PCDHGA3: variants seen among roughly 807,000 people sequenced by gnomAD.
PCDHGA3 encodes protocadherin gamma subfamily A, 3, also known as protocadherin gamma-A3.
Under a neutral mutation model 58.5 loss-of-function variants are expected in PCDHGA3, and 40 were observed. The observed-to-expected ratio is 0.68, with a 90% CI of 0.53 to 0.89. The LOEUF is 0.89. Among genes scored for constraint, PCDHGA3 ranks in the 40% least tolerant of loss-of-function variants. The pLI, the probability that PCDHGA3 is intolerant of heterozygous loss-of-function variation, is 0.00. For missense variants in PCDHGA3, 1,223 were observed against 1,195.9 expected (o/e 1.02, Z -0.33); for synonymous variants, 530 against 525.7 (o/e 1.01, Z -0.11).
chr5:141,370,204 A>G, intron 1 of PCDHGA3: 1 of 545,938 alleles, frequency 1.8e-6, no homozygotes, highest in Non-Finnish European at 3.1e-6. Flanking sequence ...TGTGCAAAAT[A>G]TTGGCTCCTC....
At chr5:141,427,355 C>T (rs765449381) in intron 1 of PCDHGA3, 2 of 457,430 alleles carry the variant, frequency 4.4e-6, no homozygotes, top group African/African-American at 2.0e-5. Flanking sequence ...TAACTGAGGA[C>T]GCAGAACCCT....
intron 1 of PCDHGA3, chr5:141,383,853 G>C (rs942698942): frequency 1.2e-6 from 2 of 1,613,948 alleles, no homozygotes; most frequent in Middle Eastern, 3.3e-4. Flanking sequence ...ATGAAATGGA[G>C]GTTCAGGCTC....
At chr5:141,374,443 A>C (rs886695991) in intron 1 of PCDHGA3, 1 of 1,613,842 alleles carries the variant, frequency 6.2e-7, no homozygotes. Context: ...ATCCCGTGGA[A>C]GTGGAAATAG....
At chr5:141,481,913 C>CAAAAAA (rs34114744) in intron 1 of PCDHGA3, among the ~76,000 whole-genome samples, 2 of 90,846 alleles carry the variant, frequency 2.2e-5, no homozygotes, top group Non-Finnish European at 4.4e-5. Flanking sequence ...AACTCCATCT[C>CAAAAAA]AAAAAAAAAA....
Position 141,487,356 on chromosome 5 carries a change from C to A in PCDHGA3, c.2425-7451C>A. On this transcript the variant is annotated intron_variant, in intron 1 of 3. Coordinates refer to ENST00000253812, the MANE Select transcript of PCDHGA3 (RefSeq NM_018916.4). The surrounding 1 kb of genome is among the most constrained non-coding windows in gnomAD (Gnocchi z 5.0). ...GCCTGTGGAGTCACATGCTTTCCTG[C>A]TGGCACCTGTGCCTGTCTCACCAGA... 1 of 1,614,220 alleles carries A rather than the reference C, an allele frequency of 6.2e-7. No individual in the cohort carries two copies. The highest frequency in any genetic ancestry group is 8.5e-7 in the Non-Finnish European group (1 of 1,180,042).
At position 141,345,812 on chromosome 5, in the gene PCDHGA3, G is replaced by A; in HGVS notation, c.1779G>A (p.Ala593=). 6.2e-7 allele frequency: 1 copy of A among 1,613,864 alleles called. No homozygotes were observed. The highest frequency in any genetic ancestry group is 8.5e-7 in the Non-Finnish European group (1 of 1,180,024). The change falls in exon 1 of 4, where the codon GCG becomes GCA. Residue 593 remains alanine, a synonymous_variant. Coordinates refer to ENST00000253812, the MANE Select transcript of PCDHGA3 (RefSeq NM_018916.4). ...EPGYLVTKVV[A]VDRDSGQNAW... is the part of the protein sequence containing the mutation. Reference sequence around the variant, plus strand: ...GCTACCTGGTGACCAAGGTGGTGGCGGTGGACAGAGACTCGGGCCAGAACG... The same window carrying A: ...GCTACCTGGTGACCAAGGTGGTGGCAGTGGACAGAGACTCGGGCCAGAACG...
chr5:141,382,683 G>C, intron 1 of PCDHGA3: 1 of 444,266 alleles, frequency 2.3e-6, no homozygotes, highest in Non-Finnish European at 4.0e-6. Flanking sequence ...ACCAACCAGG[G>C]AAAAATGGTG....
At chr5:141,479,651 C>CAAA (rs931031810) in intron 1 of PCDHGA3, 2 of 152,124 alleles carry the variant, frequency 1.3e-5, no homozygotes, top group African/African-American at 2.4e-5. Flanking sequence ...ACAACAACAA[C>CAAA]AATCCCAGAA....
intron 1 of PCDHGA3, among the ~76,000 whole-genome samples, chr5:141,449,103 A>G (rs1033077737): frequency 2.0e-5 from 3 of 152,206 alleles, no homozygotes; most frequent in African/African-American, 7.2e-5. Context: ...CATATGCAGT[A>G]TATCTTTGGG....
chr5:141,403,030 C>T, intron 1 of PCDHGA3: 1 of 1,614,056 alleles, frequency 6.2e-7, no homozygotes, highest in Non-Finnish European at 8.5e-7. Flanking sequence ...TATGGGAGGC[C>T]AGGGCCAGTC....
chr5:141,361,814 C>T, intron 1 of PCDHGA3: 1 of 1,613,112 alleles, frequency 6.2e-7, no homozygotes, highest in Non-Finnish European at 8.5e-7. Flanking sequence ...GACAATGCGC[C>T]ACGGGTGCTG....
intron 1 of PCDHGA3, chr5:141,385,045 C>T (rs769354835): frequency 1.9e-6 from 3 of 1,614,178 alleles, no homozygotes. Flanking sequence ...GGCGCTCAGG[C>T]TGCGGCGCTG....
intron 1 of PCDHGA3, chr5:141,360,512 T>C (rs551303336): frequency 1.2e-6 from 2 of 1,613,978 alleles, no homozygotes; most frequent in Non-Finnish European, 1.7e-6. Flanking sequence ...GTGCAGGATA[T>C]AAATGATAAT....
chr5:141,393,724 C>T (rs959974182), intron 1 of PCDHGA3: 1 of 1,613,570 alleles, frequency 6.2e-7, no homozygotes, highest in Non-Finnish European at 8.5e-7. Context: ...ATATCAATAG[C>T]AAAAAGTCTA....
chr5:141,374,296 G>A, intron 1 of PCDHGA3: 3 of 1,613,974 alleles, frequency 1.9e-6, no homozygotes, highest in Non-Finnish European at 2.5e-6. Flanking sequence ...CCAGAGGTAG[G>A]ATGCAGCTTT....
intron 1 of PCDHGA3, 172 bp downstream of exon 1, chr5:141,346,629 C>T (rs1757781972): frequency 1.0e-6 from 1 of 997,118 alleles, no homozygotes; most frequent in South Asian, 1.8e-5. Flanking sequence ...ACTCCCCGGT[C>T]TGGTTATGGT....
chr5:141,379,047 T>C (rs570619122), intron 1 of PCDHGA3: 2 of 152,352 alleles, frequency 1.3e-5, no homozygotes, highest in East Asian at 1.9e-4. Flanking sequence ...GGTGGTATTA[T>C]AGAATGGATT....
At chr5:141,404,912 C>T (rs761969782) in intron 1 of PCDHGA3, 31 of 1,613,946 alleles carry the variant, frequency 1.9e-5, no homozygotes, top group Non-Finnish European at 2.5e-5. Flanking sequence ...CCAGCCCCCT[C>T]TCTCGGCCAC....
chr5:141,360,577 C>T (rs546241238), intron 1 of PCDHGA3: 3 of 1,613,934 alleles, frequency 1.9e-6, no homozygotes, highest in East Asian at 4.5e-5. Context: ...ATCCACTAAG[C>T]CAGGTACAAC....
Sources: allele counts gnomAD v4.1 joint callset (sites outside exome capture counted in the v4.1 genomes callset), GRCh38; gene constraint gnomAD v4.1.1; non-coding constraint Gnocchi (gnomAD v3.1); transcripts MANE v1.5; gene names NCBI Gene and HGNC (gene_info 2026-07-23, HGNC 2026-07-21).